Variants in FAM120A observed in about 807,000 individuals in gnomAD.
FAM120A encodes constitutive coactivator of PPAR-gamma-like protein 1.
Under a neutral mutation model 109.7 loss-of-function variants are expected in FAM120A, and 15 were observed. The observed-to-expected ratio is 0.14, with a 90% CI of 0.09 to 0.21. The LOEUF (loss-of-function observed/expected upper bound fraction) is 0.21, where lower values mean the gene tolerates loss of function less well. Ranked by LOEUF, FAM120A falls within the 10% of genes least tolerant of loss-of-function variation. FAM120A has a pLI of 1.00. For synonymous variants in FAM120A, 493 were observed against 572.8 expected, an observed-to-expected ratio of 0.86 and a Z score of 1.99; for missense variants, 899 against 1,439.3, an observed-to-expected ratio of 0.62 and a Z score of 6.07.
chr9:93,490,006 G>T (rs552623743), intron 3 of FAM120A, among the ~76,000 whole-genome samples: 6 of 152,344 alleles, frequency 3.9e-5, no homozygotes, highest in Admixed American at 6.5e-5. Context: ...GCTCCACTGT[G>T]TCCTAGACTG....
Position 93,516,255 on chromosome 9 carries a change from C to T in FAM120A, c.1404C>T (p.Ser468=), listed in dbSNP as rs765924488. ...CATCTTCCGACAACGACGAGGGCAG[C>T]GGAGGGGCGACAAAGTGAGTGGTGC... ...TSSSSDNDEG[S]GGATNHISGN... The change falls in exon 7 of 18, where the codon AGC becomes AGT. Residue 468 remains serine (S), a synonymous_variant. Coordinates refer to ENST00000277165, the MANE Select transcript of FAM120A (RefSeq NM_014612.5). 5.2e-5 allele frequency: 83 copies of T among 1,611,190 alleles called. 1 individual carries two copies. The South Asian group carries it at 6.4e-4, about 12-fold the overall frequency.
chr9:93,558,348 C>A (rs892794241), intron 14 of FAM120A, among the ~76,000 whole-genome samples: 5 of 152,218 alleles, frequency 3.3e-5, no homozygotes, highest in African/African-American at 1.2e-4. Context: ...TCTCCCAGGG[C>A]CCTTCCTGAG....
At chr9:93,519,311 G>A (rs1350255531) in intron 7 of FAM120A, among the ~76,000 whole-genome samples, 1 of 151,896 alleles carries the variant, frequency 6.6e-6, no homozygotes, top group Non-Finnish European at 1.5e-5. Flanking sequence ...GCATGATCTC[G>A]GCTAACTGCA....
Position 93,498,668 on chromosome 9 carries a change from A to G in FAM120A, c.934-122A>G, listed in dbSNP as rs1859677686. ...TTCCCTGAAAGTTTTAATGTCATTC[A>G]AAATTCTTCTCTAACTTGAAAAGCT... On this transcript the variant is annotated intron_variant, in intron 4 of 17. Transcript: ENST00000277165. This position sits in a 1 kb window ranked among gnomAD's most constrained non-coding sequence, Gnocchi z 4.4. 1.8e-5 allele frequency: 13 copies of G among 720,430 alleles called. No individual in the cohort carries two copies. The East Asian group carries it at 3.2e-4, about 18-fold the overall frequency. 44.6% of individuals were successfully genotyped at this position (720,430 alleles called of 1,614,324 possible). A position where few individuals can be genotyped will look rare whatever the true frequency, so the allele number is the denominator to read the frequency against.
chr9:93,550,597 G>A lies in FAM120A; in HGVS notation c.2180G>A (p.Gly727Glu). ...ACCAGGTACATGGTGCAGTGGCCGGGAGCACGCATCCTTCGGCGTCAGGAG... is the reference window on the plus strand; with the variant it reads ...ACCAGGTACATGGTGCAGTGGCCGGAAGCACGCATCCTTCGGCGTCAGGAG... ...CVLRYMVQWPGARILRRQELD... is the reference protein window; with the variant it reads ...CVLRYMVQWPEARILRRQELD... The change falls in exon 12 of 18, where the codon GGA becomes GAA. Residue 727 changes from glycine (G) to glutamate (E), a missense_variant. Physicochemically the swap from Gly to Glu is moderately conservative, Grantham distance 98. This residue lies in a region of FAM120A where 133 missense variants were observed against 276.6 expected (regional missense o/e 0.48). Transcript: ENST00000277165. 2.5e-6 allele frequency: 4 copies of A among 1,613,812 alleles called. No individual in the cohort carries two copies. The highest frequency in any genetic ancestry group is 3.4e-6 in the Non-Finnish European group (4 of 1,180,000).
In FAM120A at chr9:93,550,627, A is replaced by T; in HGVS notation, c.2210A>T (p.Asp737Val). Residue 737 changes from aspartate to valine, a missense_variant, in exon 12 of 18, where the codon GAT becomes GTT. This residue lies in a region of FAM120A where 52 missense variants were observed against 49.7 expected (regional missense o/e 1.05). Coordinates refer to ENST00000277165, the MANE Select transcript of FAM120A (RefSeq NM_014612.5). ...GARILRRQEL[D>V]AFLAQALSPK... ...CGCATCCTTCGGCGTCAGGAGCTAG[A>T]TGCCTTCCTGGCTCAGGCGCTGTCC... The T allele has an allele frequency of 6.2e-7, 1 of 1,614,012 alleles. No homozygotes were observed. The highest frequency in any genetic ancestry group is 8.5e-7 in the Non-Finnish European group (1 of 1,180,024).
intron 1 of FAM120A, among the ~76,000 whole-genome samples, chr9:93,457,120 G>T (rs1451230045): frequency 6.6e-6 from 1 of 152,066 alleles, no homozygotes; most frequent in African/African-American, 2.4e-5. Flanking sequence ...ACCACATTTT[G>T]TTTATCCATT....
At chr9:93,485,150 T>G (rs1387515866) in intron 3 of FAM120A, among the ~76,000 whole-genome samples, 1 of 152,134 alleles carries the variant, frequency 6.6e-6, no homozygotes, top group Admixed American at 6.5e-5. Context: ...GACACTGTTG[T>G]TGCACGCTAA....
intron 2 of FAM120A, among the ~76,000 whole-genome samples, chr9:93,472,223 G>C (rs34866682): frequency 0.26 from 39,823 of 151,488 alleles, 6,468 homozygotes; most frequent in East Asian, 0.43. Flanking sequence ...TCGTGCCACT[G>C]CACTCCAGCC....
chr9:93,484,505 C>G (rs563834812), intron 3 of FAM120A, among the ~76,000 whole-genome samples: 1 of 152,190 alleles, frequency 6.6e-6, no homozygotes, highest in Non-Finnish European at 1.5e-5. Context: ...CTTACGGTAT[C>G]TCTGGGAGAG....
chr9:93,529,280 C>T, intron 8 of FAM120A, 73 bp from the exon 9 acceptor site: 4 of 1,338,744 alleles, frequency 3.0e-6, no homozygotes, highest in Non-Finnish European at 4.1e-6. Context: ...GGTGAACAGG[C>T]ACCTACCATA....
intron 11 of FAM120A, among the ~76,000 whole-genome samples, chr9:93,548,975 G>A (rs939936184): frequency 7.2e-5 from 11 of 152,012 alleles, no homozygotes; most frequent in African/African-American, 2.4e-4. Flanking sequence ...CCCAGGAGGC[G>A]GAGGTTGCAG....
In FAM120A at chr9:93,498,385, T is replaced by A. The variant is rs1183795750; in HGVS notation, c.934-405T>A. Among the ~76,000 whole-genome samples the A allele has an allele frequency of 6.6e-6, 1 of 152,028 alleles. No individual in the cohort carries two copies. The highest frequency in any genetic ancestry group is 1.5e-5 in the Non-Finnish European group (1 of 68,014). On this transcript the variant is annotated intron_variant, in intron 4 of 17. Transcript: ENST00000277165. The surrounding 1 kb of genome is among the most constrained non-coding windows in gnomAD (Gnocchi z 4.4). ...TCCAGCCTGGGTGAAAGAGCGAAAC[T>A]CCGTCTCAGAAGAAAAAGAGAGAGC...
chr9:93,557,109 ATTTG>A (rs984441037), intron 13 of FAM120A, among the ~76,000 whole-genome samples: 1 of 121,122 alleles, frequency 8.3e-6, no homozygotes, highest in African/African-American at 3.3e-5. Context: ...AGACCATTTT[ATTTG>A]TTTGTTTGTT....
At chr9:93,549,088 TA>T (rs1862004081) in intron 11 of FAM120A, among the ~76,000 whole-genome samples, 1 of 152,042 alleles carries the variant, frequency 6.6e-6, no homozygotes, top group Admixed American at 6.6e-5. Context: ...CAAACCTCAG[TA>T]AGACCATTGT....
intron 1 of FAM120A, among the ~76,000 whole-genome samples, chr9:93,459,793 A>G (rs914846666): frequency 6.6e-6 from 1 of 152,214 alleles, no homozygotes; most frequent in Non-Finnish European, 1.5e-5. Context: ...GTGGAGGCCA[A>G]GGATGCTGCC....
intron 10 of FAM120A, among the ~76,000 whole-genome samples, chr9:93,540,265 T>G (rs1190137621): frequency 1.3e-5 from 2 of 152,256 alleles, no homozygotes; most frequent in African/African-American, 4.8e-5. Context: ...TCCACCTCTA[T>G]TCTCTGGTGG....
intron 9 of FAM120A, 90 bp downstream of exon 9, chr9:93,529,670 A>C: frequency 8.7e-7 from 1 of 1,146,556 alleles, no homozygotes; most frequent in Admixed American, 1.9e-5. Context: ...TTTTTGAACC[A>C]TTTTTCTGTC....
At chr9:93,550,842 TC>T in intron 12 of FAM120A, 151 bp downstream of exon 12, 1 of 581,182 alleles carries the variant, frequency 1.7e-6, no homozygotes, top group Middle Eastern at 2.7e-4. Context: ...AAGAACTTGA[TC>T]AATCGCCTTC....
Sources: allele counts gnomAD v4.1 joint callset (sites outside exome capture counted in the v4.1 genomes callset), GRCh38; gene constraint gnomAD v4.1.1; regional missense constraint gnomAD v4.1.1; non-coding constraint Gnocchi (gnomAD v3.1); transcripts MANE v1.5; gene names NCBI Gene and HGNC (gene_info 2026-07-23, HGNC 2026-07-21).